PTGES: variants seen among roughly 807,000 people sequenced by gnomAD.
PTGES encodes the protein MGST1-like 1.
A neutral mutation model predicts 11.8 loss-of-function variants in PTGES; 3 were observed. The ratio of observed to expected loss-of-function variants is 0.25; its 90% CI spans 0.12 to 0.66. The LOEUF (loss-of-function observed/expected upper bound fraction) is 0.66, where lower values mean the gene tolerates loss of function less well. PTGES is among the 30% of genes least tolerant of loss of function. The pLI is 0.82. For synonymous variants in PTGES, 94 were observed against 90.4 expected (o/e 1.04, Z -0.22); for missense variants, 180 against 213.0 (o/e 0.85, Z 0.96).
chr9:129,750,277 C>A (rs868841254), intron 1 of PTGES, among the ~76,000 whole-genome samples: 1 of 152,214 alleles, frequency 6.6e-6, no homozygotes, highest in Non-Finnish European at 1.5e-5. Flanking sequence ...GTGCTTCTGA[C>A]TCATGACTGT....
At chr9:129,748,009 CAAAAAAAAA>C (rs71497492) in intron 2 of PTGES, among the ~76,000 whole-genome samples, 1 of 23,426 alleles carries the variant, frequency 4.3e-5, no homozygotes, top group East Asian at 1.0e-3. Flanking sequence ...GACTCTGTCT[CAAAAAAAAA>C]AAAAAAAAAA....
At chr9:129,741,552 T>C (rs1474908727) in intron 2 of PTGES, among the ~76,000 whole-genome samples, 1 of 152,216 alleles carries the variant, frequency 6.6e-6, no homozygotes, top group Non-Finnish European at 1.5e-5. Context: ...TGGGGAACAC[T>C]GTGGCCTGCC....
At chr9:129,743,348 G>A (rs948724513) in intron 2 of PTGES, among the ~76,000 whole-genome samples, 3 of 152,202 alleles carry the variant, frequency 2.0e-5, no homozygotes, top group Admixed American at 6.5e-5. Flanking sequence ...GCTCCAAACC[G>A]AGAGACATGG....
At chr9:129,750,048 C>T (rs940247596) in intron 1 of PTGES, among the ~76,000 whole-genome samples, 1 of 152,172 alleles carries the variant, frequency 6.6e-6, no homozygotes, top group Non-Finnish European at 1.5e-5. Context: ...CCTGGAGAAG[C>T]CGCTAGGACA....
At chr9:129,749,068 A>G (rs892128166) in intron 1 of PTGES, among the ~76,000 whole-genome samples, 8 of 152,182 alleles carry the variant, frequency 5.3e-5, no homozygotes, top group African/African-American at 1.9e-4. Flanking sequence ...TGAGGCTCTG[A>G]GAAAGTTTCT....
chr9:129,748,837 A>C, intron 1 of PTGES, 100 bp from the exon 2 acceptor site: 1 of 988,058 alleles, frequency 1.0e-6, no homozygotes, highest in South Asian at 1.6e-5. Flanking sequence ...GGCAGGACAG[A>C]GGTGCAGTTG....
chr9:129,749,744 G>A (rs891181663), intron 1 of PTGES: 1 of 152,386 alleles, frequency 6.6e-6, no homozygotes, highest in African/African-American at 2.4e-5. Flanking sequence ...AAGGCAGAAG[G>A]GACAGCACGT....
Position 129,748,699 on chromosome 9 carries a change from G to A in PTGES, c.165C>T (p.Gly55=), listed in dbSNP as rs1035069908. ...CGGGGTCGCTCCTGCAATACTGGGG[G>A]CCTCCGTGTCTCAGGGCATCCTCGG... ...ANPEDALRHG[G]PQYCRSDPDV... is the part of the protein sequence containing the mutation. The change falls in exon 2 of 3, where the codon GGC becomes GGT. Residue 55 remains glycine, a synonymous_variant. Transcript: ENST00000340607. 5 of 1,587,556 alleles carry A rather than the reference G, an allele frequency of 3.1e-6. No individual in the cohort carries two copies. The highest frequency in any genetic ancestry group is 4.3e-6 in the Non-Finnish European group (5 of 1,170,538).
At position 129,745,247 on chromosome 9, in the gene PTGES, C is replaced by G. The variant is rs1468701313; in HGVS notation, c.209+3408G>C. Among the ~76,000 whole-genome samples the G allele has an allele frequency of 4.6e-5, 7 of 152,160 alleles. No individual in the cohort carries two copies. The highest frequency in any genetic ancestry group is 8.8e-5 in the Non-Finnish European group (6 of 68,036). Reference sequence around the variant, plus strand: ...AGATTCTGGCCCAGACGCACATTGCCGGGAACTCCGGATAGGTATCCTGAA... The same window carrying G: ...AGATTCTGGCCCAGACGCACATTGCGGGGAACTCCGGATAGGTATCCTGAA... On this transcript the variant is annotated intron_variant, in intron 2 of 2. Coordinates refer to ENST00000340607, the MANE Select transcript of PTGES (RefSeq NM_004878.5). This position sits in a 1 kb window ranked among gnomAD's most constrained non-coding sequence, Gnocchi z 4.2.
rs201881975 is a variant in PTGES, at chr9:129,739,162, G to C, written c.*449C>G. On this transcript the variant is annotated 3_prime_UTR_variant, in exon 3 of 3. Transcript: ENST00000340607. The surrounding 1 kb of genome is among the most constrained non-coding windows in gnomAD (Gnocchi z 5.7). ...AAAAAAAATACAGATGGCCAGGCTT[G>C]CCTCTAGATTGGCTGGGCCAGAATT... 1.2e-4 allele frequency: 19 copies of C among 162,798 alleles called. No individual in the cohort carries two copies. The highest frequency in any genetic ancestry group is 2.0e-4 in the Non-Finnish European group (15 of 74,828). The allele number at this position is 162,798 out of a possible 1,614,324, so 10.1% of individuals were successfully genotyped here. A position where few individuals can be genotyped will look rare whatever the true frequency, so the allele number is the denominator to read the frequency against.
rs142659613 is a variant in PTGES at position 129,749,195 on chromosome 9, C to A, written c.127-458G>T. 9.7e-3 allele frequency among the ~76,000 whole-genome samples: 1,470 copies of A among 152,228 alleles called. 14 individuals carry two copies. Among genetic ancestry groups the A allele is most frequent in the Middle Eastern group, 0.048 (14 of 294 alleles). On this transcript the variant is annotated intron_variant, in intron 1 of 2. Coordinates refer to ENST00000340607, the MANE Select transcript of PTGES (RefSeq NM_004878.5). Reference sequence around the variant, plus strand: ...TTGCTTGAGCCCAGGAGTTCAAAACCAGCCTGGGCAACATAGCAAGACCCC... The same window carrying A: ...TTGCTTGAGCCCAGGAGTTCAAAACAAGCCTGGGCAACATAGCAAGACCCC...
rs10988494 is a variant in PTGES, at chr9:129,751,417, G to A, written c.126+1470C>T. The stretch of plus-strand genomic sequence containing the variant: ...GCCTCAGCCAGGTGCGGTGGCTCAC[G>A]CCTGTAATTCCAACACTTTGGGAGG... On this transcript the variant is annotated intron_variant, in intron 1 of 2. Coordinates refer to ENST00000340607, the MANE Select transcript of PTGES (RefSeq NM_004878.5). Among the ~76,000 whole-genome samples, 2,582 of 151,280 alleles carry A rather than the reference G, an allele frequency of 0.017. 201 individuals are homozygous for A. The East Asian group carries it at 0.25, about 15-fold the overall frequency.
At chr9:129,746,362 G>A (rs1394054301) in intron 2 of PTGES, among the ~76,000 whole-genome samples, 1 of 152,204 alleles carries the variant, frequency 6.6e-6, no homozygotes, top group Admixed American at 6.5e-5. Context: ...AGTCACCAAT[G>A]GAAGTCATGT....
chr9:129,752,010 G>A (rs1481399134), intron 1 of PTGES, among the ~76,000 whole-genome samples: 1 of 152,202 alleles, frequency 6.6e-6, no homozygotes, highest in African/African-American at 2.4e-5. Context: ...TATCACTTGG[G>A]CAGCTGCCCT....
At position 129,752,867 on chromosome 9, in the gene PTGES, A is replaced by G. The variant is rs1833128391; in HGVS notation, c.126+20T>C. 1 of 1,613,546 alleles carries G rather than the reference A, an allele frequency of 6.2e-7. No homozygotes were observed. The stretch of plus-strand genomic sequence containing the variant: ...GAAGCAAGTATGACCCAGGCCGGGG[A>G]CCCCCAGGGAGGCACATACCTTCTT... On this transcript the variant is annotated intron_variant, in intron 1 of 2. Coordinates refer to ENST00000340607, the MANE Select transcript of PTGES (RefSeq NM_004878.5).
At chr9:129,742,562 C>T (rs1051612838) in intron 2 of PTGES, among the ~76,000 whole-genome samples, 2 of 152,092 alleles carry the variant, frequency 1.3e-5, no homozygotes, top group African/African-American at 4.8e-5. Flanking sequence ...AAAAGCACAA[C>T]CAGCATATGC....
intron 1 of PTGES, among the ~76,000 whole-genome samples, chr9:129,752,164 A>G (rs962407936): frequency 6.6e-6 from 1 of 152,184 alleles, no homozygotes; most frequent in Non-Finnish European, 1.5e-5. Context: ...GAAGACAGAG[A>G]CAGTTTCAGG....
chr9:129,744,571 CAAA>C (rs60799589), intron 2 of PTGES, among the ~76,000 whole-genome samples: 12 of 50,388 alleles, frequency 2.4e-4, no homozygotes, highest in East Asian at 2.0e-3. Context: ...GACCCTGTCA[CAAA>C]AAAAAAAAAA....
intron 2 of PTGES, among the ~76,000 whole-genome samples, chr9:129,744,445 C>T (rs796360381): frequency 3.9e-5 from 6 of 152,016 alleles, no homozygotes; most frequent in African/African-American, 1.4e-4. Context: ...CATGGTGGCA[C>T]GTGTCTGTGG....
Sources: gnomAD v4.1 joint callset for allele counts (sites outside exome capture counted in the v4.1 genomes callset) on GRCh38, gnomAD v4.1.1 for gene constraint, Gnocchi (gnomAD v3.1) non-coding constraint, MANE v1.5 for transcripts, NCBI Gene and HGNC (gene_info 2026-07-23, HGNC 2026-07-21) for gene names.